Variants in RPS3A observed in about 807,000 individuals in gnomAD.
The protein encoded by RPS3A is ribosomal protein S3A.
A neutral mutation model predicts 26.4 loss-of-function variants in RPS3A; 1 was observed. That is an observed-to-expected ratio of 0.04 (90% CI 0.01 to 0.18). The LOEUF (loss-of-function observed/expected upper bound fraction) is 0.18, where lower values mean the gene tolerates loss of function less well. Ranked by LOEUF, RPS3A falls within the 10% of genes least tolerant of loss-of-function variation. The pLI is 1.00. For missense variants in RPS3A, 139 were observed against 326.8 expected (o/e 0.43, Z 4.43); for synonymous variants, 97 against 106.1 (o/e 0.91, Z 0.53).
In RPS3A at chr4:151,099,867, G is replaced by A. The variant is rs1024655061; in HGVS notation, c.62+153G>A. The A allele has an allele frequency of 3.6e-6, 3 of 828,302 alleles. No homozygotes were observed. In the African/African-American group the frequency reaches 5.1e-5, roughly 14 times the overall value. 51.3% of individuals were successfully genotyped at this position (828,302 alleles called of 1,614,324 possible). A position where few individuals can be genotyped will look rare whatever the true frequency, so the allele number is the denominator to read the frequency against. On this transcript the variant is annotated intron_variant, in intron 1 of 5. Coordinates refer to ENST00000274065, the MANE Select transcript of RPS3A (RefSeq NM_001006.5). ...TGCACCCAGGAACGCGGCCTGGAGG[G>A]TCGGTGTTGAGTAGCGGCAGGTCGG...
chr4:151,103,319 C>CACAATA, intron 4 of RPS3A: 1 of 730,332 alleles, frequency 1.4e-6, no homozygotes, highest in Non-Finnish European at 1.9e-6. Context: ...TTGTGATCCT[C>CACAATA]CTTGGCTCAC....
intron 5 of RPS3A, 33 bp from the exon 6 acceptor site, chr4:151,104,439 G>GTTTTTTGTT: frequency 2.8e-6 from 2 of 710,326 alleles, no homozygotes; most frequent in Non-Finnish European, 3.6e-6. Context: ...CAGTTTTTTG[G>GTTTTTTGTT]TTTTTTTTTT....
Position 151,100,779 on chromosome 4 carries a change from T to G in RPS3A, c.166+191T>G, listed in dbSNP as rs1006262073. Among the ~76,000 whole-genome samples the G allele has an allele frequency of 2.0e-5, 3 of 152,184 alleles. No homozygotes were observed. The South Asian group carries it at 6.2e-4, about 32-fold the overall frequency. On this transcript the variant is annotated intron_variant, in intron 2 of 5. Coordinates refer to ENST00000274065, the MANE Select transcript of RPS3A (RefSeq NM_001006.5). ...GAGAAGCAAGATGGTGCTTTTTGAA[T>G]TAAGAAAATGTGCCATGGGTAGTTC...
At chr4:151,103,769 C>CA in intron 4 of RPS3A, 1 of 1,316,300 alleles carries the variant, frequency 7.6e-7, no homozygotes, top group South Asian at 1.2e-5. Flanking sequence ...TATATATACA[C>CA]ACACAAAGAA....
rs570520328 is a variant in RPS3A, at chr4:151,099,907, CCTT to C, written c.62+196_62+198del. 3.7e-4 allele frequency: 255 copies of C among 696,932 alleles called. No individual in the cohort carries two copies. In the African/African-American group the frequency reaches 4.0e-3, roughly 11 times the overall value. The allele number at this position is 696,932 out of a possible 1,614,324, so 43.2% of individuals were successfully genotyped here. A position where few individuals can be genotyped will look rare whatever the true frequency, so the allele number is the denominator to read the frequency against. ...CGGCAGGTCGGCTGCCTTTCCCAGG[CCTT>C]CTGGTCCTTGCGCGCGTCGCGTTTG... On this transcript the variant is annotated intron_variant, in intron 1 of 5. Transcript: ENST00000274065.
Position 151,099,709 on chromosome 4 carries a change from G to A in RPS3A, c.57G>A (p.Lys19=). The A allele has an allele frequency of 6.2e-7, 1 of 1,613,110 alleles. No homozygotes were observed. Among genetic ancestry groups the A allele is most frequent in the Non-Finnish European group, 8.5e-7 (1 of 1,179,556 alleles). Residue 19 remains lysine, a synonymous_variant, in exon 1 of 6, where the codon AAG becomes AAA. Coordinates refer to ENST00000274065, the MANE Select transcript of RPS3A (RefSeq NM_001006.5). ...AAGGCGGCAAAAAGGGAGCCAAGAAGAAAGTGTAAGTCGCGACTGTCGTGG... is the reference window on the plus strand; with the variant it reads ...AAGGCGGCAAAAAGGGAGCCAAGAAAAAAGTGTAAGTCGCGACTGTCGTGG... ...LTKGGKKGAK[K]KVVDPFSKKD... is the part of the protein sequence containing the mutation.
chr4:151,103,446 G>T (rs1037703268), intron 4 of RPS3A: 15 of 876,272 alleles, frequency 1.7e-5, no homozygotes, highest in Non-Finnish European at 2.1e-5. Flanking sequence ...AGTAGAGATG[G>T]GGTTTCATCA....
In RPS3A at chr4:151,100,499, C is replaced by T; in HGVS notation, c.77C>T (p.Ser26Phe). 6.3e-7 allele frequency: 1 copy of T among 1,588,690 alleles called. No individual in the cohort carries two copies. Among genetic ancestry groups the T allele is most frequent in the East Asian group, 2.2e-5 (1 of 44,738 alleles). Residue 26 changes from serine to phenylalanine, a missense_variant, in exon 2 of 6, where the codon TCT becomes TTT. Ser to Phe is a radical substitution (Grantham distance 155). Coordinates refer to ENST00000274065, the MANE Select transcript of RPS3A (RefSeq NM_001006.5). ...GAKKKVVDPF[S>F]KKDWYDVKAP... is the part of the protein sequence containing the mutation. ...TTAAAATCCAGGGTTGATCCATTTT[C>T]TAAGAAAGATTGGTATGATGTGAAA... is the stretch of plus-strand genomic sequence containing the variant.
Position 151,099,872 on chromosome 4 carries a change from T to C in RPS3A, c.62+158T>C, listed in dbSNP as rs977827522. 3.8e-6 allele frequency: 3 copies of C among 797,234 alleles called. No individual in the cohort carries two copies. The African/African-American group carries it at 5.1e-5, about 14-fold the overall frequency. 49.4% of individuals were successfully genotyped at this position (797,234 alleles called of 1,614,324 possible). The stretch of plus-strand genomic sequence containing the variant: ...CCAGGAACGCGGCCTGGAGGGTCGG[T>C]GTTGAGTAGCGGCAGGTCGGCTGCC... On this transcript the variant is annotated intron_variant, in intron 1 of 5. Coordinates refer to ENST00000274065, the MANE Select transcript of RPS3A (RefSeq NM_001006.5).
intron 2 of RPS3A, 26 bp from the exon 3 acceptor site, chr4:151,100,949 A>C: frequency 6.5e-7 from 1 of 1,536,824 alleles, no homozygotes; most frequent in African/African-American, 1.4e-5. Flanking sequence ...CCTAAATGTT[A>C]AGATACTTGT....
At chr4:151,103,656 A>C in intron 4 of RPS3A, 5 of 1,075,662 alleles carry the variant, frequency 4.6e-6, no homozygotes, top group Non-Finnish European at 5.7e-6. Flanking sequence ...AGTCCCAGCT[A>C]CTCAGGAGGC....
chr4:151,104,234 C>G lies in RPS3A; in HGVS notation c.621C>G (p.Leu207=). 6.2e-7 allele frequency: 1 copy of G among 1,613,270 alleles called. No individual in the cohort carries two copies. The highest frequency in any genetic ancestry group is 8.5e-7 in the Non-Finnish European group (1 of 1,179,776). ...IEKACQSIYP[L]HDVFVRKVKM... ...AGGCTTGCCAATCTATTTATCCTCT[C>G]CATGATGTCTTCGTTAGAAAAGTAA... Residue 207 remains leucine (L), a synonymous_variant, in exon 5 of 6, where the codon CTC becomes CTG. Coordinates refer to ENST00000274065, the MANE Select transcript of RPS3A (RefSeq NM_001006.5).
chr4:151,103,242 TATG>T (rs1747210034), intron 4 of RPS3A, 163 bp downstream of exon 4: 5 of 1,264,924 alleles, frequency 4.0e-6, no homozygotes, highest in South Asian at 3.2e-5. Context: ...ACTCAGTAAA[TATG>T]ATTATTATTA....
At chr4:151,104,061 A>C in intron 4 of RPS3A, 116 bp from the exon 5 acceptor site, 1 of 1,496,550 alleles carries the variant, frequency 6.7e-7, no homozygotes, top group Non-Finnish European at 8.9e-7. Flanking sequence ...TATGCAGGTT[A>C]AATGAGGTAG....
intron 3 of RPS3A, among the ~76,000 whole-genome samples, 170 bp downstream of exon 3, chr4:151,101,332 CTG>C (rs1747105505): frequency 6.6e-6 from 1 of 152,216 alleles, no homozygotes; most frequent in South Asian, 2.1e-4. Flanking sequence ...AGTGCTAACT[CTG>C]GGGTTGCCAC....
intron 3 of RPS3A, among the ~76,000 whole-genome samples, chr4:151,101,782 G>A (rs941745803): frequency 2.6e-5 from 4 of 152,116 alleles, no homozygotes; most frequent in Admixed American, 2.6e-4. Flanking sequence ...GTCCGGGCTG[G>A]AGTGCAGTGG....
intron 4 of RPS3A, chr4:151,103,609 T>TA (rs1009531086): frequency 1.1e-5 from 12 of 1,049,452 alleles, no homozygotes; most frequent in African/African-American, 1.7e-5. Context: ...ACTTGGAAAA[T>TA]ACACTGAATA....
Position 151,099,631 on chromosome 4 carries a change from T to A in RPS3A, c.-22T>A. 6.2e-7 allele frequency: 1 copy of A among 1,611,856 alleles called. No homozygotes were observed. Among genetic ancestry groups the A allele is most frequent in the East Asian group, 2.2e-5 (1 of 44,850 alleles). ...TCTCGCGCGACTCCCACTTCCGCCC[T>A]TTTGGCTCTCTGACCAGCACCATGG... On this transcript the variant is annotated 5_prime_UTR_variant, in exon 1 of 6. Transcript: ENST00000274065.
chr4:151,099,921 C>T, intron 1 of RPS3A: 2 of 607,600 alleles, frequency 3.3e-6, no homozygotes, highest in Non-Finnish European at 6.1e-6. Flanking sequence ...CTGGTCCTTG[C>T]GCGCGTCGCG....
Sources: gnomAD v4.1 joint callset for allele counts (sites outside exome capture counted in the v4.1 genomes callset) on GRCh38, gnomAD v4.1.1 for gene constraint, MANE v1.5 for transcripts, NCBI Gene and HGNC (gene_info 2026-07-23, HGNC 2026-07-21) for gene names.